The following ANKS1B variants were observed in gnomAD, a reference collection of about 807,000 sequenced individuals.
ANKS1B encodes ankyrin repeat and sterile alpha motif domain-containing protein 1B.
Under a neutral mutation model 148.3 loss-of-function variants are expected in ANKS1B, and 36 were observed. That is an observed-to-expected ratio of 0.24 (90% CI 0.19 to 0.32). The LOEUF (loss-of-function observed/expected upper bound fraction) is 0.32. ANKS1B is among the 10% of genes least tolerant of loss of function. ANKS1B has a pLI of 1.00. For synonymous variants in ANKS1B, 542 were observed against 560.8 expected (o/e 0.97, Z 0.47); for missense variants, 1,157 against 1,542.6 (o/e 0.75, Z 4.19).
At chr12:99,616,312 CAA>C (rs2097959570) in intron 9 of ANKS1B, among the ~76,000 whole-genome samples, 1 of 152,032 alleles carries the variant, frequency 6.6e-6, no homozygotes, top group African/African-American at 2.4e-5. Context: ...TATGGAACCA[CAA>C]AAGAGCCTGC....
intron 12 of ANKS1B, among the ~76,000 whole-genome samples, chr12:99,288,204 A>T (rs181799405): frequency 1.2e-3 from 185 of 152,298 alleles, no homozygotes; most frequent in African/African-American, 4.3e-3. Flanking sequence ...AAGAACTTCA[A>T]TATGTCTGGC....
chr12:99,865,188 C>G (rs80033988), intron 1 of ANKS1B, among the ~76,000 whole-genome samples: 3,662 of 152,256 alleles, frequency 0.024, 149 homozygotes, highest in African/African-American at 0.083. Context: ...TGACAGTACC[C>G]AACTGAAATA....
At chr12:99,280,556 G>A (rs528844641) in intron 12 of ANKS1B, among the ~76,000 whole-genome samples, 1 of 152,314 alleles carries the variant, frequency 6.6e-6, no homozygotes, top group South Asian at 2.1e-4. Context: ...AGGTGGATCT[G>A]TGAGGGTGTT....
intron 1 of ANKS1B, among the ~76,000 whole-genome samples, chr12:99,915,653 C>T (rs920552430): frequency 1.2e-4 from 19 of 152,090 alleles, no homozygotes; most frequent in African/African-American, 4.6e-4. Context: ...GGGTCTGTGG[C>T]AATGGTTGAT....
At chr12:98,855,570 G>A (rs1263327276) in intron 17 of ANKS1B, among the ~76,000 whole-genome samples, 1 of 152,206 alleles carries the variant, frequency 6.6e-6, no homozygotes, top group Non-Finnish European at 1.5e-5. Flanking sequence ...TAGGTACTCA[G>A]TAAGTACACT....
At chr12:99,639,711 T>C (rs532160873) in intron 9 of ANKS1B, among the ~76,000 whole-genome samples, 6 of 152,178 alleles carry the variant, frequency 3.9e-5, no homozygotes, top group Non-Finnish European at 5.9e-5. Flanking sequence ...CCTGCCGCCA[T>C]ATGAAGGATG....
chr12:99,292,227 TCACG>T (rs1191465084), intron 12 of ANKS1B, among the ~76,000 whole-genome samples: 1 of 151,862 alleles, frequency 6.6e-6, no homozygotes, highest in Non-Finnish European at 1.5e-5. Flanking sequence ...GCATGGTGGC[TCACG>T]CCTGTAATCC....
chr12:99,774,647 A>G (rs1000709466), intron 7 of ANKS1B, among the ~76,000 whole-genome samples: 1 of 152,142 alleles, frequency 6.6e-6, no homozygotes, highest in African/African-American at 2.4e-5. Context: ...TTCACAGGAA[A>G]TGAAACCAGT....
intron 9 of ANKS1B, among the ~76,000 whole-genome samples, chr12:99,605,377 C>T (rs1587502): frequency 1 from 152,012 of 152,086 alleles, 75,970 homozygotes; most frequent in Middle Eastern, 1. Context: ...ATATATAATA[C>T]ATTATTGTTA....
chr12:99,481,813 T>C (rs2096415089), intron 10 of ANKS1B, among the ~76,000 whole-genome samples: 1 of 152,004 alleles, frequency 6.6e-6, no homozygotes, highest in Admixed American at 6.6e-5. Context: ...TAGCTATTTG[T>C]ATATCTCCTT....
chr12:99,519,087 T>C (rs1371443909), intron 9 of ANKS1B, among the ~76,000 whole-genome samples: 1 of 152,112 alleles, frequency 6.6e-6, no homozygotes, highest in Non-Finnish European at 1.5e-5. Context: ...GAGAAAATGC[T>C]TAATATTATC....
intron 9 of ANKS1B, among the ~76,000 whole-genome samples, chr12:99,646,757 A>G (rs1420207632): frequency 6.6e-6 from 1 of 151,608 alleles, no homozygotes; most frequent in Non-Finnish European, 1.5e-5. Context: ...TGTCATTTCA[A>G]TAAAGATATT....
At chr12:99,806,163 C>T (rs564320494) in intron 4 of ANKS1B, among the ~76,000 whole-genome samples, 1 of 152,318 alleles carries the variant, frequency 6.6e-6, no homozygotes, top group South Asian at 2.1e-4. Flanking sequence ...ATACCACACA[C>T]AACTGCCATC....
chr12:98,985,494 T>A (rs2099922758), intron 17 of ANKS1B, among the ~76,000 whole-genome samples: 1 of 152,094 alleles, frequency 6.6e-6, no homozygotes, highest in South Asian at 2.1e-4. Flanking sequence ...TTACATTTTA[T>A]TTTTCAGGAT....
At chr12:99,412,048 T>C (rs2094726675) in intron 11 of ANKS1B, among the ~76,000 whole-genome samples, 1 of 152,258 alleles carries the variant, frequency 6.6e-6, no homozygotes, top group Non-Finnish European at 1.5e-5. Context: ...GGTGTGATTA[T>C]GCTATTTTTA....
At chr12:99,454,046 A>G (rs2095804248) in intron 10 of ANKS1B, among the ~76,000 whole-genome samples, 1 of 152,220 alleles carries the variant, frequency 6.6e-6, no homozygotes, top group South Asian at 2.1e-4. Flanking sequence ...AAGAAAACAG[A>G]ATATGCAACA....
At chr12:98,954,096 C>T (rs984977414) in intron 17 of ANKS1B, among the ~76,000 whole-genome samples, 2 of 152,190 alleles carry the variant, frequency 1.3e-5, no homozygotes, top group African/African-American at 2.4e-5. Flanking sequence ...CTCAGACCTG[C>T]TGAATTCAAA....
chr12:98,867,991 T>G (rs1403583054), intron 17 of ANKS1B, among the ~76,000 whole-genome samples: 1 of 152,182 alleles, frequency 6.6e-6, no homozygotes, highest in Admixed American at 6.5e-5. Context: ...TGCTTAGACA[T>G]TTCATTCATG....
intron 12 of ANKS1B, among the ~76,000 whole-genome samples, chr12:99,294,393 G>A (rs139970253): frequency 0.01 from 1,560 of 152,264 alleles, 31 homozygotes; most frequent in African/African-American, 0.036. Context: ...TGGAACTGGA[G>A]GACATCATGT....
Sources: allele counts gnomAD v4.1 joint callset (sites outside exome capture counted in the v4.1 genomes callset), GRCh38; gene constraint gnomAD v4.1.1; transcripts MANE v1.5; gene names NCBI Gene and HGNC (gene_info 2026-07-23, HGNC 2026-07-21).